The following SPATA6L variants were observed in gnomAD, a reference collection of about 807,000 sequenced individuals.
The protein encoded by SPATA6L is spermatogenesis associated 6-like protein.
In SPATA6L, 68 loss-of-function variants were observed where a neutral mutation model predicts 49.2. That is an observed-to-expected ratio of 1.38 (90% CI 1.14 to 1.69). SPATA6L has a LOEUF of 1.69. Among genes scored for constraint, SPATA6L ranks in the 40% most tolerant of loss-of-function variants. SPATA6L has a pLI of 0.00. For missense variants in SPATA6L, 668 were observed against 464.3 expected (o/e 1.44, Z -4.03); for synonymous variants, 198 against 165.7 (o/e 1.19, Z -1.50).
intron 3 of SPATA6L, among the ~76,000 whole-genome samples, chr9:4,643,096 C>T (rs1298571986): frequency 1.3e-5 from 2 of 152,114 alleles, no homozygotes; most frequent in Non-Finnish European, 2.9e-5. Context: ...CAACCTCTGC[C>T]TCCCGGGTTC....
chr9:4,658,711 G>T (rs1403596760), intron 2 of SPATA6L, among the ~76,000 whole-genome samples: 2 of 152,096 alleles, frequency 1.3e-5, no homozygotes, highest in African/African-American at 4.8e-5. Flanking sequence ...GACTTTTACA[G>T]GCCAGATGCA....
chr9:4,641,813 C>A (rs1409553247), intron 3 of SPATA6L, among the ~76,000 whole-genome samples: 1 of 152,206 alleles, frequency 6.6e-6, no homozygotes, highest in African/African-American at 2.4e-5. Context: ...CACTCTGTTG[C>A]CCAAGCTGGA....
intron 11 of SPATA6L, among the ~76,000 whole-genome samples, chr9:4,602,431 T>C (rs1316745082): frequency 6.6e-6 from 1 of 152,172 alleles, no homozygotes; most frequent in Non-Finnish European, 1.5e-5. Context: ...GTCCTGCACA[T>C]TCCTCTGTGC....
chr9:4,659,821 C>A (rs535842726), intron 2 of SPATA6L, among the ~76,000 whole-genome samples: 24 of 152,090 alleles, frequency 1.6e-4, no homozygotes, highest in Non-Finnish European at 3.1e-4. Flanking sequence ...GTACTGGTAC[C>A]AAAACAGAGA....
chr9:4,632,680 G>C lies in SPATA6L; in HGVS notation c.351+2595C>G, dbSNP rs117220104. Among the ~76,000 whole-genome samples the C allele has an allele frequency of 6.0e-3, 912 of 151,976 alleles. 2 individuals are homozygous for C. The highest frequency in any genetic ancestry group is 9.7e-3 in the Non-Finnish European group (660 of 67,992). On this transcript the variant is annotated intron_variant, in intron 4 of 11. Coordinates refer to ENST00000682582, the MANE Select transcript of SPATA6L (RefSeq NM_001353486.2). Reference sequence around the variant, plus strand: ...CAATGTGTCTAGCACCTAGATTACAGCCAGGGACATTGGTTAAGAGCTGTT... The same window carrying C: ...CAATGTGTCTAGCACCTAGATTACACCCAGGGACATTGGTTAAGAGCTGTT...
chr9:4,622,453 T>C lies in SPATA6L; in HGVS notation c.727A>G (p.Arg243Gly), dbSNP rs10974657. ...NISEHHLRRS[R>G]RKSKFSDFPF... ...AAGTCTGAAAACTTAGATTTTCTTC[T>C]AGACCTCCTCAAATGATGCTCTGAA... The change falls in exon 7 of 12, where the codon AGA becomes GGA. Residue 243 changes from arginine to glycine, a missense_variant. Arg to Gly is a moderately radical substitution (Grantham distance 125). Coordinates refer to ENST00000682582, the MANE Select transcript of SPATA6L (RefSeq NM_001353486.2). 0.063 allele frequency: 101,342 copies of C among 1,613,362 alleles called. 5,095 individuals carry two copies. Among genetic ancestry groups the C allele is most frequent in the East Asian group, 0.31 (13,803 of 44,850 alleles).
intron 13 of SPATA6L, among the ~76,000 whole-genome samples, chr9:4,592,010 C>T (rs1349453537): frequency 6.6e-6 from 1 of 152,136 alleles, no homozygotes; most frequent in Non-Finnish European, 1.5e-5. Context: ...GTCCTGAGCC[C>T]AGAAGGAAAA....
intron 5 of SPATA6L, chr9:4,628,142 A>G: frequency 4.8e-6 from 1 of 209,138 alleles, no homozygotes. Flanking sequence ...GGATGGTTAA[A>G]GGGCACAAAA....
At chr9:4,626,313 C>G (rs1244119871) in intron 5 of SPATA6L, 2 of 1,151,376 alleles carry the variant, frequency 1.7e-6, no homozygotes, top group African/African-American at 1.6e-5. Context: ...ACCAGAGCCC[C>G]CTGTTCAGAT....
rs780020557 is a variant in SPATA6L at position 4,663,293 on chromosome 9, G to T, written c.40-1257C>A. On this transcript the variant is annotated intron_variant, in intron 1 of 11. Transcript: ENST00000682582. Reference sequence around the variant, plus strand: ...ATCTCATTGATTATGGCACCAGGAAGTCTGAAGGTTTCCACATTCGATGAT... The same window carrying T: ...ATCTCATTGATTATGGCACCAGGAATTCTGAAGGTTTCCACATTCGATGAT... 6 of 1,594,094 alleles carry T rather than the reference G, an allele frequency of 3.8e-6. No homozygotes were observed. The South Asian group carries it at 4.5e-5, about 12-fold the overall frequency.
intron 9 of SPATA6L, among the ~76,000 whole-genome samples, chr9:4,613,652 C>G (rs564475394): frequency 1.1e-3 from 174 of 152,172 alleles, no homozygotes; most frequent in African/African-American, 4.0e-3. Context: ...GGCGCTACCT[C>G]CGCTCACTGC....
chr9:4,609,838 A>G (rs1456092921), intron 9 of SPATA6L, among the ~76,000 whole-genome samples: 11 of 150,564 alleles, frequency 7.3e-5, no homozygotes, highest in Non-Finnish European at 1.5e-4. Flanking sequence ...TTCAATTGGG[A>G]AAAGAAGAAG....
At chr9:4,647,842 T>G (rs9299002) in intron 3 of SPATA6L, among the ~76,000 whole-genome samples, 21 of 61,292 alleles carry the variant, frequency 3.4e-4, no homozygotes, top group African/African-American at 1.3e-3. Context: ...TTAGTTTTTT[T>G]TTTTTTTTTT....
chr9:4,612,836 C>A (rs947759126), intron 9 of SPATA6L, among the ~76,000 whole-genome samples: 10 of 151,974 alleles, frequency 6.6e-5, no homozygotes, highest in Non-Finnish European at 1.2e-4. Flanking sequence ...GGATGGTTAC[C>A]AAATCCTAAA....
intron 11 of SPATA6L, among the ~76,000 whole-genome samples, chr9:4,602,989 T>C (rs947119057): frequency 6.6e-6 from 1 of 152,180 alleles, no homozygotes; most frequent in Non-Finnish European, 1.5e-5. Context: ...AGAGCGATTA[T>C]TATTCTGGGC....
chr9:4,638,221 TA>T (rs57715772), intron 3 of SPATA6L, among the ~76,000 whole-genome samples: 2,023 of 126,340 alleles, frequency 0.016, 46 homozygotes, highest in African/African-American at 0.074. Context: ...TTATTATTAT[TA>T]TTTTTTGAGA....
chr9:4,603,958 G>A (rs570442764), intron 11 of SPATA6L, among the ~76,000 whole-genome samples: 7 of 152,284 alleles, frequency 4.6e-5, no homozygotes, highest in South Asian at 2.1e-4. Flanking sequence ...GTGATGTTGC[G>A]GGCAGGGGAG....
At position 4,643,138 on chromosome 9, in the gene SPATA6L, G is replaced by A. The variant is rs558480017; in HGVS notation, c.227-7739C>T. Among the ~76,000 whole-genome samples, 4 of 152,172 alleles carry A rather than the reference G, an allele frequency of 2.6e-5. No homozygotes were observed. The East Asian group carries it at 7.7e-4, about 29-fold the overall frequency. On this transcript the variant is annotated intron_variant, in intron 3 of 11. Coordinates refer to ENST00000682582, the MANE Select transcript of SPATA6L (RefSeq NM_001353486.2). ...TTCTCCTGTCTCAGCCTCCCAAGTA[G>A]CTCGGATTACAGGCACCTGACATCA...
At chr9:4,605,581 T>G (rs1824588143) in intron 9 of SPATA6L, 141 bp from the exon 10 acceptor site, 1 of 598,070 alleles carries the variant, frequency 1.7e-6, no homozygotes, top group East Asian at 2.8e-5. Context: ...TAGTGTGATT[T>G]CAATGTCTTT....
Sources: gnomAD v4.1 joint callset for allele counts (sites outside exome capture counted in the v4.1 genomes callset) on GRCh38, gnomAD v4.1.1 for gene constraint, MANE v1.5 for transcripts, NCBI Gene and HGNC (gene_info 2026-07-23, HGNC 2026-07-21) for gene names.